MNAT1: variants seen among roughly 807,000 people sequenced by gnomAD.
MNAT1 encodes CDK-activating kinase assembly factor MAT1.
A neutral mutation model predicts 42.0 loss-of-function variants in MNAT1; 43 were observed. That is an observed-to-expected ratio of 1.02 (90% CI 0.80 to 1.32). The LOEUF (loss-of-function observed/expected upper bound fraction) is 1.32, where lower values mean the gene tolerates loss of function less well. Ranked by LOEUF, MNAT1 falls within the 40% of genes most tolerant of loss-of-function variation. The pLI is 0.00. For missense variants in MNAT1, 306 were observed against 350.4 expected, an observed-to-expected ratio of 0.87 and a Z score of 1.01; for synonymous variants, 118 against 120.0, an observed-to-expected ratio of 0.98 and a Z score of 0.11.
At chr14:60,773,345 A>T (rs566668698) in intron 1 of MNAT1, among the ~76,000 whole-genome samples, 3 of 152,316 alleles carry the variant, frequency 2.0e-5, no homozygotes, top group African/African-American at 7.2e-5. Flanking sequence ...AAGGTGTTAC[A>T]TTCATTCAAC....
At chr14:60,850,370 T>C (rs1052309326) in intron 6 of MNAT1, among the ~76,000 whole-genome samples, 3 of 152,248 alleles carry the variant, frequency 2.0e-5, no homozygotes, top group African/African-American at 7.2e-5. Context: ...TTCCATGTTC[T>C]GCATAGTAGT....
At chr14:60,932,816 T>C (rs887788283) in intron 7 of MNAT1, among the ~76,000 whole-genome samples, 2 of 152,036 alleles carry the variant, frequency 1.3e-5, no homozygotes, top group African/African-American at 4.8e-5. Flanking sequence ...AATATCAGTG[T>C]TTTTGCATCA....
intron 7 of MNAT1, among the ~76,000 whole-genome samples, chr14:60,927,058 G>A (rs1231303502): frequency 6.6e-6 from 1 of 152,026 alleles, no homozygotes; most frequent in Non-Finnish European, 1.5e-5. Context: ...CCTGTGCCAG[G>A]GACTGTGGGC....
At chr14:60,912,839 G>A (rs1032984955) in intron 7 of MNAT1, among the ~76,000 whole-genome samples, 6 of 152,180 alleles carry the variant, frequency 3.9e-5, no homozygotes, top group Middle Eastern at 3.4e-3. Context: ...TCTTAGTGGC[G>A]TTCTCTGTAT....
At chr14:60,891,810 T>C (rs2034851396) in intron 7 of MNAT1, among the ~76,000 whole-genome samples, 1 of 152,182 alleles carries the variant, frequency 6.6e-6, no homozygotes, top group Admixed American at 6.6e-5. Flanking sequence ...CTCTTAGTAC[T>C]CTTTTGCTGT....
chr14:60,904,166 C>T (rs1322972920), intron 7 of MNAT1, among the ~76,000 whole-genome samples: 1 of 152,082 alleles, frequency 6.6e-6, no homozygotes, highest in Non-Finnish European at 1.5e-5. Context: ...CCACTGTGCC[C>T]GACCTTAAGT....
Position 60,796,216 on chromosome 14 carries a change from G to T in MNAT1, c.90-1G>T. On this transcript the variant is annotated splice_acceptor_variant, in intron 1 of 7. Transcript: ENST00000261245. LOFTEE classifies it high-confidence loss of function. ...GTTATGTTTTATTTCTGTCCTTACA[G>T]CTGTGAAAGTTGTGTAGATTTACTG... 1 of 1,610,508 alleles carries T rather than the reference G, an allele frequency of 6.2e-7. No homozygotes were observed. Among genetic ancestry groups the T allele is most frequent in the South Asian group, 1.1e-5 (1 of 90,198 alleles).
At chr14:60,877,412 A>G (rs939709477) in intron 6 of MNAT1, among the ~76,000 whole-genome samples, 18 of 152,070 alleles carry the variant, frequency 1.2e-4, no homozygotes, top group African/African-American at 2.4e-4. Flanking sequence ...AGGATCTTCG[A>G]TGGTTGTTTC....
At chr14:60,963,114 T>G (rs1354396941) in intron 7 of MNAT1, among the ~76,000 whole-genome samples, 1 of 152,200 alleles carries the variant, frequency 6.6e-6, no homozygotes, top group Non-Finnish European at 1.5e-5. Flanking sequence ...CCTGAGTAGC[T>G]GGGATTACAG....
chr14:60,799,497 G>A, intron 3 of MNAT1: 1 of 743,134 alleles, frequency 1.3e-6, no homozygotes, highest in African/African-American at 1.9e-5. Flanking sequence ...AATGTGATTA[G>A]TCAAAAGTCT....
intron 7 of MNAT1, among the ~76,000 whole-genome samples, chr14:60,961,534 A>AT (rs1243353854): frequency 6.6e-6 from 1 of 151,830 alleles, no homozygotes; most frequent in Non-Finnish European, 1.5e-5. Flanking sequence ...CTTAACTGTC[A>AT]TTTTTTTAGG....
intron 7 of MNAT1, among the ~76,000 whole-genome samples, chr14:60,909,628 A>G (rs1188531228): frequency 2.6e-5 from 4 of 152,000 alleles, no homozygotes; most frequent in East Asian, 1.9e-4. Flanking sequence ...AAGATCAGAT[A>G]GTTGTAGATA....
chr14:60,931,909 C>CT (rs2035894312), intron 7 of MNAT1, among the ~76,000 whole-genome samples: 1 of 151,750 alleles, frequency 6.6e-6, no homozygotes, highest in Non-Finnish European at 1.5e-5. Context: ...ACTGAGCCTA[C>CT]TTTTTAAATT....
At chr14:60,766,676 C>CTG (rs1429417932) in intron 1 of MNAT1, among the ~76,000 whole-genome samples, 2 of 152,200 alleles carry the variant, frequency 1.3e-5, no homozygotes, top group East Asian at 3.9e-4. Context: ...CGCCACTGCA[C>CTG]TCCAGCCTGG....
intron 7 of MNAT1, among the ~76,000 whole-genome samples, chr14:60,928,620 A>G (rs2035813568): frequency 6.6e-6 from 1 of 152,038 alleles, no homozygotes; most frequent in African/African-American, 2.4e-5. Flanking sequence ...TTATGTGTTT[A>G]TTACCCATCC....
intron 1 of MNAT1, among the ~76,000 whole-genome samples, chr14:60,743,648 A>G (rs1896536846): frequency 2.0e-5 from 3 of 152,220 alleles, no homozygotes; most frequent in African/African-American, 4.8e-5. Flanking sequence ...TTTTGTTTAT[A>G]AGAAAGTGTT....
chr14:60,914,459 C>A (rs138655927), intron 7 of MNAT1, among the ~76,000 whole-genome samples: 62 of 152,222 alleles, frequency 4.1e-4, no homozygotes, highest in African/African-American at 1.1e-3. Flanking sequence ...ATTCGGCCAT[C>A]TTGGCTCCCC....
chr14:60,942,640 T>C (rs1431833568), intron 7 of MNAT1, among the ~76,000 whole-genome samples: 1 of 152,332 alleles, frequency 6.6e-6, no homozygotes, highest in East Asian at 1.9e-4. Context: ...TTTGCAGTGA[T>C]ATTTATATTA....
chr14:60,813,315 A>C (rs1214356288), intron 5 of MNAT1, among the ~76,000 whole-genome samples: 1 of 151,768 alleles, frequency 6.6e-6, no homozygotes, highest in Non-Finnish European at 1.5e-5. Flanking sequence ...ATCTGCGCTG[A>C]CTCACCCACG....
Sources: allele counts gnomAD v4.1 joint callset (sites outside exome capture counted in the v4.1 genomes callset), GRCh38; gene constraint gnomAD v4.1.1; transcripts MANE v1.5; gene names NCBI Gene and HGNC (gene_info 2026-07-23, HGNC 2026-07-21).